DNMT3A: variants seen among roughly 807,000 people sequenced by gnomAD.
DNMT3A encodes the protein DNA (cytosine-5)-methyltransferase 3A.
DNMT3A carries 267 observed loss-of-function variants against 117.6 expected under a neutral mutation model. The observed-to-expected ratio is 2.27, with a 90% confidence interval of 2.05 to 2.51. The LOEUF (loss-of-function observed/expected upper bound fraction) is 2.51, where lower values mean the gene tolerates loss of function less well. DNMT3A is among the 30% of genes most tolerant of loss of function. The probability of loss-of-function intolerance (pLI) is 0.00; values close to 1 mark genes in which losing one functional copy is unlikely to be tolerated. For missense variants in DNMT3A, 1,029 were observed against 1,260.2 expected, an observed-to-expected ratio of 0.82 and a Z score of 2.78; for synonymous variants, 432 against 474.8, an observed-to-expected ratio of 0.91 and a Z score of 1.17.
chr2:25,240,930 T>C (rs1192304548), intron 17 of DNMT3A, among the ~76,000 whole-genome samples, 200 bp from the exon 18 acceptor site: 1 of 152,202 alleles, frequency 6.6e-6, no homozygotes, highest in African/African-American at 2.4e-5. Context: ...GATCATTTCT[T>C]AGGCCAATGG....
chr2:25,277,050 C>G (rs1298462985), intron 4 of DNMT3A, among the ~76,000 whole-genome samples: 1 of 152,084 alleles, frequency 6.6e-6, no homozygotes, highest in Non-Finnish European at 1.5e-5. Context: ...CCGGGAGCAC[C>G]AGGGGGAGGG....
chr2:25,295,679 G>A (rs2033045618), intron 3 of DNMT3A, among the ~76,000 whole-genome samples: 1 of 152,260 alleles, frequency 6.6e-6, no homozygotes, highest in Non-Finnish European at 1.5e-5. Flanking sequence ...CATAGGCTTT[G>A]CAGTTGGGAG....
In DNMT3A at chr2:25,246,203, C is replaced by T. The variant is rs762903300; in HGVS notation, c.1386G>A (p.Ala462=). 1.2e-5 allele frequency: 20 copies of T among 1,613,998 alleles called. No individual in the cohort carries two copies. The highest frequency in any genetic ancestry group is 4.0e-5 in the African/African-American group (3 of 74,928). Reference sequence around the variant, plus strand: ...TAATCTCCTTGACCTTGGGCTTCTCCGCTGTGCTCTTCCGGGGCTTTTTGG... The same window carrying T: ...TAATCTCCTTGACCTTGGGCTTCTCTGCTGTGCTCTTCCGGGGCTTTTTGG... ...PPAKKPRKST[A]EKPKVKEIID... Residue 462 remains alanine, a synonymous_variant, in exon 11 of 23, where the codon GCG becomes GCA. Coordinates refer to ENST00000321117, the MANE Select transcript of DNMT3A (RefSeq NM_022552.5).
rs1674964190 is a variant in DNMT3A at position 25,247,578 on chromosome 2, C to T, written c.1014+13G>A. ...TCCCCCACCCCAGGCTACTGCCAAACCCCACAACTTACCACTGAGAATTTG... is the reference window on the plus strand; with the variant it reads ...TCCCCCACCCCAGGCTACTGCCAAATCCCACAACTTACCACTGAGAATTTG... On this transcript the variant is annotated intron_variant, in intron 8 of 22. Transcript: ENST00000321117. This position sits in a 1 kb window ranked among gnomAD's most constrained non-coding sequence, Gnocchi z 5.6. 3.7e-6 allele frequency: 6 copies of T among 1,613,342 alleles called. No individual in the cohort carries two copies. The East Asian group carries it at 1.3e-4, about 36-fold the overall frequency.
Position 25,247,150 on chromosome 2 carries a change from A to G in DNMT3A, c.1023T>C (p.Val341=), listed in dbSNP as rs1192833919. Residue 341 remains valine (V), a synonymous_variant, in exon 9 of 23, where the codon GTT becomes GTC. Transcript: ENST00000321117. The surrounding 1 kb of genome is among the most constrained non-coding windows in gnomAD (Gnocchi z 5.6). ...ACGAGCTCAGCGGCATCAGCTTCTC[A>G]ACACACACCTGGGGGGACAAGCCAG... ...FGDGKFSVVC[V]EKLMPLSSFC... The G allele has an allele frequency of 1.9e-6, 3 of 1,613,328 alleles. No homozygotes were observed. In the Admixed American group the frequency reaches 5.0e-5, roughly 27 times the overall value.
chr2:25,289,082 G>T (rs190098541), intron 3 of DNMT3A, among the ~76,000 whole-genome samples: 1 of 150,480 alleles, frequency 6.6e-6, no homozygotes, highest in Admixed American at 6.6e-5. Flanking sequence ...CTCCCTCCTC[G>T]ACTGTGAGCC....
chr2:25,300,470 C>T (rs1414804998), intron 2 of DNMT3A, among the ~76,000 whole-genome samples: 2 of 149,448 alleles, frequency 1.3e-5, no homozygotes, highest in Middle Eastern at 3.4e-3. Flanking sequence ...GGCCAGGCAC[C>T]GTGGCTCATG....
In DNMT3A at chr2:25,230,798, G is replaced by A. The variant is rs970795734; in HGVS notation, c.*3481C>T. 1 of 146,822 alleles carries A rather than the reference G, an allele frequency of 6.8e-6. No homozygotes were observed. Among genetic ancestry groups the A allele is most frequent in the Non-Finnish European group, 1.5e-5 (1 of 66,906 alleles). The allele number at this position is 146,822 out of a possible 1,614,324, so 9.1% of individuals were successfully genotyped here. A position where few individuals can be genotyped will look rare whatever the true frequency, so the allele number is the denominator to read the frequency against. ...TAACTCTCGTCCCTGCAAGGGGGGG[G>A]GGGGGGGGGCCATGACCCCTGGGGC... is the stretch of plus-strand genomic sequence containing the variant. On this transcript the variant is annotated 3_prime_UTR_variant, in exon 23 of 23. Transcript: ENST00000321117.
intron 2 of DNMT3A, among the ~76,000 whole-genome samples, chr2:25,303,356 C>T (rs898565323): frequency 6.6e-6 from 1 of 152,262 alleles, no homozygotes; most frequent in Non-Finnish European, 1.5e-5. Flanking sequence ...CAGGCCACCC[C>T]TCTGCCATAT....
At chr2:25,264,528 T>C (rs559642576) in intron 6 of DNMT3A, among the ~76,000 whole-genome samples, 20 of 151,678 alleles carry the variant, frequency 1.3e-4, no homozygotes, top group Admixed American at 1.2e-3. Flanking sequence ...AGTGCAGTGG[T>C]GCGATCTCGG....
intron 19 of DNMT3A, chr2:25,239,477 G>A: frequency 1.6e-6 from 1 of 606,116 alleles, no homozygotes; most frequent in Non-Finnish European, 3.2e-6. Flanking sequence ...TCAATTCAGT[G>A]GCCACTAGCC....
chr2:25,330,281 G>A (rs2034965057), intron 1 of DNMT3A, among the ~76,000 whole-genome samples: 1 of 152,208 alleles, frequency 6.6e-6, no homozygotes, highest in African/African-American at 2.4e-5. Flanking sequence ...GGCCAGTCCT[G>A]CAGCATGGCT....
At chr2:25,292,791 G>A (rs13415217) in intron 3 of DNMT3A, among the ~76,000 whole-genome samples, 10 of 152,044 alleles carry the variant, frequency 6.6e-5, no homozygotes, top group Non-Finnish European at 1.2e-4. Flanking sequence ...AATTCTCTAG[G>A]TGGGGATGAT....
At chr2:25,239,647 G>A in intron 19 of DNMT3A, 1 of 461,544 alleles carries the variant, frequency 2.2e-6, no homozygotes, top group South Asian at 1.7e-5. Context: ...AGGCTCCAGC[G>A]AGTATGGGTG....
At chr2:25,326,950 T>G (rs1375565607) in intron 1 of DNMT3A, among the ~76,000 whole-genome samples, 1 of 152,190 alleles carries the variant, frequency 6.6e-6, no homozygotes, top group Non-Finnish European at 1.5e-5. Context: ...CAACTTTCCT[T>G]GGGACCCAAA....
At position 25,300,215 on chromosome 2, in the gene DNMT3A, C is replaced by T. The variant is rs1317444748; in HGVS notation, c.101G>A (p.Gly34Asp). Residue 34 changes from glycine (G) to aspartate (D), a missense_variant, in exon 3 of 23, where the codon GGC (glycine) becomes GAC (aspartate). Physicochemically the swap from Gly to Asp is moderately conservative, Grantham distance 94. Transcript: ENST00000321117. ...GCTGGGCTCTTGGCGCTCCTCCTTG[C>T]CACGCGGCTCCTCCTGCTCCTCTCC... The part of the protein sequence containing the change: ...KDGEEQEEPR[G>D]KEERQEPSTT... The T allele has an allele frequency of 2.5e-6, 4 of 1,609,994 alleles. No individual in the cohort carries two copies.
At chr2:25,273,032 T>C (rs1386762080) in intron 6 of DNMT3A, among the ~76,000 whole-genome samples, 2 of 147,674 alleles carry the variant, frequency 1.4e-5, no homozygotes, top group Non-Finnish European at 3.0e-5. Flanking sequence ...TGGAGTGTAG[T>C]GGTGTGATCT....
At position 25,230,712 on chromosome 2, in the gene DNMT3A, T is replaced by C. The variant is rs1332051903; in HGVS notation, c.*3567A>G. The C allele has an allele frequency of 1.5e-5, 2 of 137,248 alleles. No homozygotes were observed. The highest frequency in any genetic ancestry group is 8.3e-5 in the Admixed American group (1 of 12,034). The allele number at this position is 137,248 out of a possible 1,614,324, so 8.5% of individuals were successfully genotyped here. On this transcript the variant is annotated 3_prime_UTR_variant, in exon 23 of 23. Transcript: ENST00000321117. ...GGCACAATCCCAAAGCCCCACACTC[T>C]CCTAAATTCTACTGTGAGACCAAGC...
chr2:25,240,810 C>T, intron 17 of DNMT3A, 80 bp from the exon 18 acceptor site: 1 of 1,452,120 alleles, frequency 6.9e-7, no homozygotes, highest in Non-Finnish European at 9.6e-7. Flanking sequence ...TATCTGTGAA[C>T]TTGGCAAAGA....
Sources: allele counts gnomAD v4.1 joint callset (sites outside exome capture counted in the v4.1 genomes callset), GRCh38; gene constraint gnomAD v4.1.1; non-coding constraint Gnocchi (gnomAD v3.1); transcripts MANE v1.5; gene names NCBI Gene and HGNC (gene_info 2026-07-23, HGNC 2026-07-21).